The following EFCAB8 variants were observed in gnomAD, a reference collection of about 807,000 sequenced individuals.
EFCAB8 encodes EF-hand calcium-binding domain-containing protein 8.
A neutral mutation model predicts 116.3 loss-of-function variants in EFCAB8; 100 were observed. The observed-to-expected ratio is 0.86, with a 90% CI of 0.73 to 1.02. The LOEUF is 1.02. Among genes scored for constraint, EFCAB8 ranks in the 50% least tolerant of loss-of-function variants. EFCAB8 has a pLI of 0.00. For synonymous variants in EFCAB8, 558 were observed against 567.9 expected (o/e 0.98, Z 0.25); for missense variants, 1,320 against 1,416.9 (o/e 0.93, Z 1.10).
chr20:32,880,784 C>G (rs1027167343), intron 5 of EFCAB8, among the ~76,000 whole-genome samples: 1 of 152,122 alleles, frequency 6.6e-6, no homozygotes, highest in African/African-American at 2.4e-5. Context: ...TAGGGAAGCT[C>G]TCAGAACCCA....
intron 22 of EFCAB8, among the ~76,000 whole-genome samples, chr20:32,939,199 CTTTCCT>C (rs1244163798): frequency 2.2e-4 from 14 of 63,538 alleles, no homozygotes; most frequent in East Asian, 7.6e-4. Flanking sequence ...TTCTTTCTTT[CTTTCCT>C]CTCTCTCTCT....
intron 20 of EFCAB8, among the ~76,000 whole-genome samples, chr20:32,923,374 T>C (rs900900989): frequency 2.6e-5 from 4 of 151,850 alleles, no homozygotes; most frequent in African/African-American, 9.7e-5. Context: ...TAGTCCCAGC[T>C]AGTCGGGAGG....
At chr20:32,898,308 C>T in intron 10 of EFCAB8, 185 bp from the exon 11 acceptor site, 1 of 530,390 alleles carries the variant, frequency 1.9e-6, no homozygotes. Flanking sequence ...GAGAGATGGC[C>T]AGTGCTGGTC....
At position 32,923,612 on chromosome 20, in the gene EFCAB8, T is replaced by C. The variant is rs530647735; in HGVS notation, c.2412+3397T>C. Among the ~76,000 whole-genome samples, 3 of 152,328 alleles carry C rather than the reference T, an allele frequency of 2.0e-5. No homozygotes were observed. In the South Asian group the frequency reaches 6.2e-4, roughly 32 times the overall value. ...TACGTTAAGACATGTGTTGTAGCCT[T>C]CTAGAATTTTTTTGTGCATATACAA... is the stretch of plus-strand genomic sequence containing the variant. On this transcript the variant is annotated intron_variant, in intron 20 of 26. Coordinates refer to ENST00000400522, the MANE Select transcript of EFCAB8 (RefSeq NM_001143967.2).
In EFCAB8 at chr20:32,918,445, C is replaced by A; in HGVS notation, c.2145C>A (p.Thr715=). Residue 715 remains threonine (T), a synonymous_variant, in exon 19 of 27, where the codon ACC becomes ACA. Coordinates refer to ENST00000400522, the MANE Select transcript of EFCAB8 (RefSeq NM_001143967.2). Reference sequence around the variant, plus strand: ...AGCGGGAGAAGTGGACATACAAGACCTCCAGGAAGCTCTCCAGTCTCAGCC... The same window carrying A: ...AGCGGGAGAAGTGGACATACAAGACATCCAGGAAGCTCTCCAGTCTCAGCC... ...YVEREKWTYK[T]SRKLSSLSPE... 1.3e-6 allele frequency: 2 copies of A among 1,551,734 alleles called. No individual in the cohort carries two copies. Among genetic ancestry groups the A allele is most frequent in the South Asian group, 2.4e-5 (2 of 84,066 alleles).
chr20:32,878,902 C>A, intron 5 of EFCAB8, 95 bp downstream of exon 5: 3 of 1,075,872 alleles, frequency 2.8e-6, no homozygotes, highest in Non-Finnish European at 4.1e-6. Context: ...CGTGACCTTG[C>A]TGGTGCTGAC....
chr20:32,882,035 T>C (rs2146197060), intron 5 of EFCAB8, among the ~76,000 whole-genome samples: 1 of 152,072 alleles, frequency 6.6e-6, no homozygotes, highest in East Asian at 1.9e-4. Flanking sequence ...CTGTCTCTAC[T>C]AAAAATACAA....
intron 9 of EFCAB8, 24 bp from the exon 10 acceptor site, chr20:32,896,430 G>T: frequency 1.4e-6 from 1 of 718,318 alleles, no homozygotes; most frequent in South Asian, 1.5e-5. Context: ...TGCTGATGTG[G>T]ACCTTGGTTT....
chr20:32,938,679 A>T (rs1988214968), intron 22 of EFCAB8, among the ~76,000 whole-genome samples: 1 of 149,974 alleles, frequency 6.7e-6, no homozygotes, highest in Admixed American at 6.6e-5. Flanking sequence ...TTTCACTTAT[A>T]ATCGCATCAA....
chr20:32,911,595 T>C lies in EFCAB8; in HGVS notation c.1673T>C (p.Leu558Pro). 1 of 1,551,220 alleles carries C rather than the reference T, an allele frequency of 6.4e-7. No individual in the cohort carries two copies. Among genetic ancestry groups the C allele is most frequent in the Non-Finnish European group, 8.7e-7 (1 of 1,146,650 alleles). ...GQHVEMTAMA[L>P]DESERCLLTG... ...CACGTGGAGATGACCGCCATGGCCC[T>C]GGATGAGTCAGAGCGGTGCCTGCTC... Residue 558 changes from leucine (L) to proline (P), a missense_variant, in exon 16 of 27, where the codon CTG becomes CCG. Physicochemically the swap from Leu to Pro is moderately conservative, Grantham distance 98. Transcript: ENST00000400522.
rs1335603888 is a variant in EFCAB8, at chr20:32,876,739, G to A, written c.327+695G>A. On this transcript the variant is annotated intron_variant, in intron 4 of 26. Coordinates refer to ENST00000400522, the MANE Select transcript of EFCAB8 (RefSeq NM_001143967.2). ...CCTAGCACTTTGGGAGGCCAAGGGGGGTGGATCGCTTGAGCTCAGGAGTTC... is the reference window on the plus strand; with the variant it reads ...CCTAGCACTTTGGGAGGCCAAGGGGAGTGGATCGCTTGAGCTCAGGAGTTC... Among the ~76,000 whole-genome samples the A allele has an allele frequency of 2.0e-5, 3 of 152,162 alleles. No homozygotes were observed. In the East Asian group the frequency reaches 5.8e-4, roughly 29 times the overall value.
At chr20:32,868,845 C>T (rs959261063) in intron 3 of EFCAB8, among the ~76,000 whole-genome samples, 3 of 152,028 alleles carry the variant, frequency 2.0e-5, no homozygotes, top group African/African-American at 4.8e-5. Flanking sequence ...ATTAGCTGGG[C>T]GTGGTGGCAC....
chr20:32,961,169 A>AGTGATCTGATGCTGCTG lies in EFCAB8; in HGVS notation c.3439_3440insTGCTGGTGATCTGATGC (p.Pro1147LeufsTer5). On this transcript the variant is annotated frameshift_variant, in exon 27 of 27. Transcript: ENST00000400522. LOFTEE classifies it low-confidence loss of function (END_TRUNC). ...TCAGGTCTACCAAAGCCTGCACTTC[A>AGTGATCTGATGCTGCTG]GTGATCTGATGCCGACTCAGCAGCC... 1 of 1,552,208 alleles carries AGTGATCTGATGCTGCTG rather than the reference A, an allele frequency of 6.4e-7. No individual in the cohort carries two copies. Among genetic ancestry groups the AGTGATCTGATGCTGCTG allele is most frequent in the Non-Finnish European group, 8.7e-7 (1 of 1,147,084 alleles).
chr20:32,899,341 C>A (rs1457186530), intron 11 of EFCAB8, among the ~76,000 whole-genome samples: 1 of 146,210 alleles, frequency 6.8e-6, no homozygotes, highest in South Asian at 2.1e-4. Context: ...GGAGGTGGAG[C>A]TTGCAGTGAG....
At chr20:32,934,581 C>CT (rs1269123051) in intron 22 of EFCAB8, among the ~76,000 whole-genome samples, 4 of 152,198 alleles carry the variant, frequency 2.6e-5, no homozygotes, top group African/African-American at 9.7e-5. Flanking sequence ...TGTCCCCACA[C>CT]AAATCTCATC....
chr20:32,951,168 A>G (rs547964773), intron 23 of EFCAB8, among the ~76,000 whole-genome samples: 7 of 152,368 alleles, frequency 4.6e-5, no homozygotes, highest in Non-Finnish European at 5.9e-5. Flanking sequence ...ATGTGCCCCT[A>G]TGATATGAAT....
chr20:32,942,695 C>A (rs1350125908), intron 22 of EFCAB8, among the ~76,000 whole-genome samples: 2 of 151,822 alleles, frequency 1.3e-5, no homozygotes, highest in Admixed American at 1.3e-4. Flanking sequence ...TGATATTTTC[C>A]TTTGCCTGTT....
At chr20:32,896,380 C>A in intron 9 of EFCAB8, 74 bp from the exon 10 acceptor site, 2 of 695,908 alleles carry the variant, frequency 2.9e-6, no homozygotes, top group Admixed American at 2.2e-5. Context: ...CAACTCAAGA[C>A]GTCTTCTGAG....
At position 32,915,559 on chromosome 20, in the gene EFCAB8, C is replaced by T. The variant is rs115616802; in HGVS notation, c.1857-1742C>T. On this transcript the variant is annotated intron_variant, in intron 17 of 26. Coordinates refer to ENST00000400522, the MANE Select transcript of EFCAB8 (RefSeq NM_001143967.2). ...TTCTCTAAGAATATTGAGGCTTTCT[C>T]TGCATCTGTCCTCTTTTCTTTCTAG... Among the ~76,000 whole-genome samples, 619 of 152,290 alleles carry T rather than the reference C, an allele frequency of 4.1e-3. 1 individual carries two copies. Among genetic ancestry groups the T allele is most frequent in the African/African-American group, 0.012 (495 of 41,548 alleles).
Sources: gnomAD v4.1 joint callset for allele counts (sites outside exome capture counted in the v4.1 genomes callset) on GRCh38, gnomAD v4.1.1 for gene constraint, MANE v1.5 for transcripts, NCBI Gene and HGNC (gene_info 2026-07-23, HGNC 2026-07-21) for gene names.